KCMF1: variants seen among roughly 807,000 people sequenced by gnomAD.
KCMF1 encodes E3 ubiquitin-protein ligase KCMF1.
KCMF1 carries 3 observed loss-of-function variants against 41.1 expected under a neutral mutation model. The ratio of observed to expected loss-of-function variants is 0.07; its 90% CI spans 0.03 to 0.19. The LOEUF is 0.19. Among genes scored for constraint, KCMF1 ranks in the 10% least tolerant of loss-of-function variants. KCMF1 has a pLI of 1.00. For missense variants in KCMF1, 286 were observed against 488.9 expected, an observed-to-expected ratio of 0.58 and a Z score of 3.91; for synonymous variants, 142 against 164.5, an observed-to-expected ratio of 0.86 and a Z score of 1.04.
chr2:85,032,155 GGTTT>G (rs1220176115), intron 2 of KCMF1, among the ~76,000 whole-genome samples: 8 of 151,656 alleles, frequency 5.3e-5, no homozygotes, highest in South Asian at 2.1e-4. Context: ...TTCCAAGAGT[GGTTT>G]GTTTTGTTTG....
At chr2:84,976,067 T>C (rs1401475575) in intron 1 of KCMF1, among the ~76,000 whole-genome samples, 1 of 152,176 alleles carries the variant, frequency 6.6e-6, no homozygotes, top group Non-Finnish European at 1.5e-5. Flanking sequence ...GCTTCCACAG[T>C]GCATTGTGAA....
At chr2:84,972,129 C>G (rs1208117318) in intron 1 of KCMF1, 1 of 152,232 alleles carries the variant, frequency 6.6e-6, no homozygotes, top group Non-Finnish European at 1.5e-5. Context: ...CCCGCCGCAG[C>G]AAGCAAACTC....
intron 3 of KCMF1, among the ~76,000 whole-genome samples, 194 bp from the exon 4 acceptor site, chr2:85,043,368 CTG>C (rs1036080989): frequency 3.3e-5 from 5 of 152,160 alleles, no homozygotes; most frequent in Admixed American, 2.0e-4. Context: ...GTGTCTGAAA[CTG>C]TTGTGTTTGA....
At chr2:85,026,461 T>TCC (rs1173980027) in intron 1 of KCMF1, among the ~76,000 whole-genome samples, 15 of 129,744 alleles carry the variant, frequency 1.2e-4, no homozygotes, top group African/African-American at 5.2e-4. Flanking sequence ...TTCTTTCCTT[T>TCC]ATTATTATTA....
intron 1 of KCMF1, among the ~76,000 whole-genome samples, chr2:85,008,391 T>C (rs1330493061): frequency 8.3e-6 from 1 of 120,918 alleles, no homozygotes; most frequent in Non-Finnish European, 1.8e-5. Context: ...TTATATATGA[T>C]ATATATTATA....
At chr2:85,050,865 A>C (rs1322872991) in intron 6 of KCMF1, among the ~76,000 whole-genome samples, 1 of 152,244 alleles carries the variant, frequency 6.6e-6, no homozygotes, top group East Asian at 1.9e-4. Context: ...TTGTGGGTGC[A>C]GAATAAAAAA....
chr2:85,024,890 G>A (rs1332381283), intron 1 of KCMF1, among the ~76,000 whole-genome samples: 1 of 152,048 alleles, frequency 6.6e-6, no homozygotes, highest in Non-Finnish European at 1.5e-5. Context: ...TTCAACATCT[G>A]TTTCTGGTCT....
Position 84,971,223 on chromosome 2 carries a change from C to T in KCMF1, c.-229C>T, listed in dbSNP as rs1384820380. On this transcript the variant is annotated 5_prime_UTR_variant, in exon 1 of 7. Transcript: ENST00000409785. ...GGAGCTGCGGCGTCGGACCCGCCTC[C>T]TGGAGGAGCTCAGCCCCGACCAGGC... is the stretch of plus-strand genomic sequence containing the variant. 1 of 147,434 alleles carries T rather than the reference C, an allele frequency of 6.8e-6. No individual in the cohort carries two copies. Among genetic ancestry groups the T allele is most frequent in the Non-Finnish European group, 1.5e-5 (1 of 66,270 alleles). 9.1% of individuals were successfully genotyped at this position (147,434 alleles called of 1,614,324 possible).
At position 85,047,282 on chromosome 2, in the gene KCMF1, G is replaced by A. The variant is rs1675690992; in HGVS notation, c.601+1004G>A. Among the ~76,000 whole-genome samples the A allele has an allele frequency of 2.0e-5, 3 of 152,118 alleles. No individual in the cohort carries two copies. The South Asian group carries it at 6.2e-4, about 32-fold the overall frequency. ...TCTCCATAAGTACACATAAAAAAAT[G>A]TCCAAAGCACATTTGAAATTAAGGT... On this transcript the variant is annotated intron_variant, in intron 5 of 6. Transcript: ENST00000409785.
At chr2:85,041,761 C>CT (rs76025789) in intron 3 of KCMF1, among the ~76,000 whole-genome samples, 3,382 of 91,870 alleles carry the variant, frequency 0.037, 46 homozygotes, top group African/African-American at 0.051. Flanking sequence ...CATTGCTGGT[C>CT]TTTTTTTTTT....
rs139661874 is a variant in KCMF1, at chr2:84,994,169, C to T, written c.16+22702C>T. On this transcript the variant is annotated intron_variant, in intron 1 of 6. Coordinates refer to ENST00000409785, the MANE Select transcript of KCMF1 (RefSeq NM_020122.5). The stretch of plus-strand genomic sequence containing the variant: ...TTCACCATGTTAGCCAGGATGGTCT[C>T]GATCTCCTGACCCTGTGATCCGCCC... Among the ~76,000 whole-genome samples the T allele has an allele frequency of 5.6e-3, 850 of 150,842 alleles. 34 individuals carry two copies. In the East Asian group the frequency reaches 0.12, roughly 21 times the overall value.
intron 2 of KCMF1, among the ~76,000 whole-genome samples, chr2:85,032,565 C>T (rs1399570573): frequency 2.7e-4 from 41 of 151,884 alleles, no homozygotes; most frequent in African/African-American, 9.2e-4. Flanking sequence ...TTAGTAGAGA[C>T]GGGGTTTCAC....
At chr2:84,978,347 A>G (rs1036853489) in intron 1 of KCMF1, among the ~76,000 whole-genome samples, 5 of 152,154 alleles carry the variant, frequency 3.3e-5, no homozygotes, top group Non-Finnish European at 5.9e-5. Flanking sequence ...CAGCTTATGA[A>G]ACTTATGATG....
rs1305120965 is a variant in KCMF1 at position 85,057,394 on chromosome 2, C to G, written c.*3985C>G. ...AGGAGCCTCTCATCTCATCTCATTT[C>G]AGCCTCAACAGTAATTGAAACCCTA... On this transcript the variant is annotated 3_prime_UTR_variant, in exon 7 of 7. Transcript: ENST00000409785. The G allele has an allele frequency of 6.6e-6, 1 of 152,174 alleles. No homozygotes were observed. Among genetic ancestry groups the G allele is most frequent in the African/African-American group, 2.4e-5 (1 of 41,424 alleles). The allele number at this position is 152,174 out of a possible 1,614,324, so 9.4% of individuals were successfully genotyped here.
intron 1 of KCMF1, among the ~76,000 whole-genome samples, chr2:85,024,822 T>C (rs957581067): frequency 6.6e-6 from 1 of 152,160 alleles, no homozygotes. Context: ...GCACCATTTA[T>C]TGTCCATTCC....
chr2:85,010,279 G>A (rs1674620311), intron 1 of KCMF1, among the ~76,000 whole-genome samples: 1 of 152,232 alleles, frequency 6.6e-6, no homozygotes, highest in South Asian at 2.1e-4. Flanking sequence ...GACCAGCCTG[G>A]GCAACGTAGT....
intron 1 of KCMF1, among the ~76,000 whole-genome samples, chr2:85,013,144 T>A (rs547122608): frequency 2.0e-5 from 3 of 152,322 alleles, no homozygotes; most frequent in East Asian, 1.9e-4. Context: ...TATCCCTTAG[T>A]CTTCATACTG....
rs1366656204 is a variant in KCMF1 at position 85,057,662 on chromosome 2, C to T, written c.*4253C>T. The T allele has an allele frequency of 1.3e-5, 2 of 152,214 alleles. No individual in the cohort carries two copies. The highest frequency in any genetic ancestry group is 4.8e-5 in the African/African-American group (2 of 41,444). The allele number at this position is 152,214 out of a possible 1,614,324, so 9.4% of individuals were successfully genotyped here. ...ACACAACGTTTGTTTCTAATTCGTA[C>T]TCTTGCCTCTTGGTTTCTGTAGTTT... On this transcript the variant is annotated 3_prime_UTR_variant, in exon 7 of 7. Transcript: ENST00000409785.
chr2:84,997,835 A>G (rs1298639884), intron 1 of KCMF1, among the ~76,000 whole-genome samples: 1 of 144,658 alleles, frequency 6.9e-6, no homozygotes, highest in Non-Finnish European at 1.5e-5. Flanking sequence ...CAGCGGTGCA[A>G]TCCTGGCTCA....
Sources: allele counts gnomAD v4.1 joint callset (sites outside exome capture counted in the v4.1 genomes callset), GRCh38; gene constraint gnomAD v4.1.1; transcripts MANE v1.5; gene names NCBI Gene and HGNC (gene_info 2026-07-23, HGNC 2026-07-21).